Variants in ACD observed in about 807,000 individuals in gnomAD.
The protein encoded by ACD is adrenocortical dysplasia protein homolog.
Under a neutral mutation model 53.9 loss-of-function variants are expected in ACD, and 39 were observed. The observed-to-expected ratio is 0.72, with a 90% CI of 0.56 to 0.95. ACD has a LOEUF of 0.95. Among genes scored for constraint, ACD ranks in the 40% least tolerant of loss-of-function variants. The pLI, the probability that ACD is intolerant of heterozygous loss-of-function variation, is 0.00. For missense variants in ACD, 526 were observed against 587.9 expected, an observed-to-expected ratio of 0.89 and a Z score of 1.09; for synonymous variants, 273 against 249.2, an observed-to-expected ratio of 1.10 and a Z score of -0.90.
At position 67,658,016 on chromosome 16, in the gene ACD, G is replaced by A. The variant is rs534346102; in HGVS notation, c.1176C>T (p.Thr392=). ...NRPPFPRTGA[T]RGAQEPCSVW... ...CAGAGCAGGGCTCCTGGGCTCCCCTGGTAGCTCCGGTCCTGGGAAAAGGCG... is the reference window on the plus strand; with the variant it reads ...CAGAGCAGGGCTCCTGGGCTCCCCTAGTAGCTCCGGTCCTGGGAAAAGGCG... The change falls in exon 10 of 12, where the codon ACC becomes ACT. Residue 392 remains threonine (T), a synonymous_variant. Transcript: ENST00000620761. 6.4e-7 allele frequency: 1 copy of A among 1,550,798 alleles called. No homozygotes were observed. Among genetic ancestry groups the A allele is most frequent in the East Asian group, 2.3e-5 (1 of 44,412 alleles).
rs746133556 is a variant in ACD, at chr16:67,657,562, CAAAG to C, written c.*40_*43del. 32 of 1,613,894 alleles carry C rather than the reference CAAAG, an allele frequency of 2.0e-5. No individual in the cohort carries two copies. Among genetic ancestry groups the C allele is most frequent in the African/African-American group, 4.0e-5 (3 of 74,918 alleles). ...CATGAGATTATTTTATTAAAAAACT[CAAAG>C]GAAGCAGAGTGTGGAGCGGTATCTG... On this transcript the variant is annotated 3_prime_UTR_variant, in exon 12 of 12. Coordinates refer to ENST00000620761, the MANE Select transcript of ACD (RefSeq NM_001082486.2). The surrounding 1 kb of genome is among the most constrained non-coding windows in gnomAD (Gnocchi z 4.5).
At position 67,657,807 on chromosome 16, in the gene ACD, T is replaced by C. The variant is rs2052900676; in HGVS notation, c.1253A>G (p.Tyr418Cys). The C allele has an allele frequency of 2.5e-6, 4 of 1,613,952 alleles. No homozygotes were observed. The East Asian group carries it at 8.9e-5, about 36-fold the overall frequency. The change falls in exon 11 of 12, where the codon TAT becomes TGT. Residue 418 changes from tyrosine (Y) to cysteine (C), a missense_variant. Physicochemically the swap from Tyr to Cys is radical, Grantham distance 194. Coordinates refer to ENST00000620761, the MANE Select transcript of ACD (RefSeq NM_001082486.2). This position sits in a 1 kb window ranked among gnomAD's most constrained non-coding sequence, Gnocchi z 4.5. The stretch of plus-strand genomic sequence containing the variant: ...ACAGAGGGACGTGCAGGGTGGCTCA[T>C]ACTCATACTGGAAGGCAGAACCATC... ...HRDGSAFQYE[Y>C]EPPCTSLCAR...
Position 67,660,215 on chromosome 16 carries a change from T to C in ACD, c.6A>G (p.Ala2=), listed in dbSNP as rs1301817552. The C allele has an allele frequency of 1.9e-6, 3 of 1,612,626 alleles. No individual in the cohort carries two copies. Among genetic ancestry groups the C allele is most frequent in the Admixed American group, 1.7e-5 (1 of 60,028 alleles). ...GCCGTAGGACCAGCCTCCCCGAACC[T>C]GCCATCCCCACGGCTACACCCAGCG... The part of the protein sequence containing the change: M[A]GSGRLVLRPW... Residue 2 remains alanine (A), a synonymous_variant, in exon 1 of 12, where the codon GCA becomes GCG. Coordinates refer to ENST00000620761, the MANE Select transcript of ACD (RefSeq NM_001082486.2).
At chr16:67,658,460 C>T in intron 9 of ACD, 95 bp downstream of exon 9, 1 of 1,598,298 alleles carries the variant, frequency 6.3e-7, no homozygotes, top group East Asian at 2.2e-5. Flanking sequence ...CGTGTTCATC[C>T]CCCACCCACC....
chr16:67,657,555 A>C lies in ACD; in HGVS notation c.*51T>G. The C allele has an allele frequency of 6.2e-7, 1 of 1,613,832 alleles. No homozygotes were observed. The highest frequency in any genetic ancestry group is 8.5e-7 in the Non-Finnish European group (1 of 1,179,774). The stretch of plus-strand genomic sequence containing the variant: ...CCTGCCGCATGAGATTATTTTATTA[A>C]AAAACTCAAAGGAAGCAGAGTGTGG... On this transcript the variant is annotated 3_prime_UTR_variant, in exon 12 of 12. Coordinates refer to ENST00000620761, the MANE Select transcript of ACD (RefSeq NM_001082486.2). The surrounding 1 kb of genome is among the most constrained non-coding windows in gnomAD (Gnocchi z 4.5).
rs1043357805 is a variant in ACD at position 67,659,319 on chromosome 16, A to T, written c.458+56T>A. 1.4e-4 allele frequency: 226 copies of T among 1,613,974 alleles called. 1 individual carries two copies. In the East Asian group the frequency reaches 2.2e-3, roughly 16 times the overall value. ...ACCATGCTGAGGCCTGTCTACCTAG[A>T]TACACCATCCCCTCACCAAACAACA... On this transcript the variant is annotated intron_variant, in intron 5 of 11. Transcript: ENST00000620761.
In ACD at chr16:67,658,343, G is replaced by T; in HGVS notation, c.849C>A (p.Gly283=). Residue 283 remains glycine, a synonymous_variant, in exon 10 of 12, where the codon GGC becomes GGA. Transcript: ENST00000620761. ...TACCACTTTCCTCGGATGACATGTG[G>T]CCGGGTAAGGCCGGGGTTCCTGAGG... The part of the protein sequence containing the change: ...PSSSGTPALP[G]HMSSEESGTS... 1 of 1,613,726 alleles carries T rather than the reference G, an allele frequency of 6.2e-7. No individual in the cohort carries two copies. The highest frequency in any genetic ancestry group is 8.5e-7 in the Non-Finnish European group (1 of 1,179,938).
Position 67,659,715 on chromosome 16 carries a change from G to A in ACD, c.323C>T (p.Ala108Val), listed in dbSNP as rs776559555. 1 of 1,613,382 alleles carries A rather than the reference G, an allele frequency of 6.2e-7. No homozygotes were observed. The highest frequency in any genetic ancestry group is 8.5e-7 in the Non-Finnish European group (1 of 1,179,994). Residue 108 changes from alanine (A) to valine (V), a missense_variant, in exon 3 of 12, where the codon GCT becomes GTT. Ala to Val is a moderately conservative substitution (Grantham distance 64). Coordinates refer to ENST00000620761, the MANE Select transcript of ACD (RefSeq NM_001082486.2). ...CTCACCACTCACCGCGCCGCCCTCAGCGACCTGGACATGAACCCCGCAGTC... is the reference window on the plus strand; with the variant it reads ...CTCACCACTCACCGCGCCGCCCTCAACGACCTGGACATGAACCCCGCAGTC... ...LQDCGVHVQV[A>V]EGGAPAEFYL...
intron 9 of ACD, 76 bp downstream of exon 9, chr16:67,658,479 T>G: frequency 6.3e-7 from 1 of 1,588,342 alleles, no homozygotes; most frequent in Non-Finnish European, 8.6e-7. Context: ...CCGTGCACCT[T>G]TCACAGCATC....
At position 67,657,597 on chromosome 16, in the gene ACD, C is replaced by T. The variant is rs368507056; in HGVS notation, c.*9G>A. The T allele has an allele frequency of 5.8e-5, 93 of 1,614,046 alleles. No homozygotes were observed. The highest frequency in any genetic ancestry group is 8.0e-5 in the African/African-American group (6 of 74,936). Reference sequence around the variant, plus strand: ...AGAGTGTGGAGCGGTATCTGTCCTGCGTGACGTCTCACATCGGAGTTGGCT... The same window carrying T: ...AGAGTGTGGAGCGGTATCTGTCCTGTGTGACGTCTCACATCGGAGTTGGCT... On this transcript the variant is annotated 3_prime_UTR_variant, in exon 12 of 12. Coordinates refer to ENST00000620761, the MANE Select transcript of ACD (RefSeq NM_001082486.2). This position sits in a 1 kb window ranked among gnomAD's most constrained non-coding sequence, Gnocchi z 4.5.
rs747172616 is a variant in ACD, at chr16:67,659,464, A to AC, written c.414-46dup. On this transcript the variant is annotated intron_variant, in intron 4 of 11. Coordinates refer to ENST00000620761, the MANE Select transcript of ACD (RefSeq NM_001082486.2). The stretch of plus-strand genomic sequence containing the variant: ...AGTTAATGGGGGCCCAAGCCCTCCT[A>AC]CCCCATAGGCGTCTGCCAGCGCCGG... The AC allele has an allele frequency of 5.0e-6, 8 of 1,613,756 alleles. No individual in the cohort carries two copies. The Admixed American group carries it at 1.2e-4, about 24-fold the overall frequency.
rs1423427994 is a variant in ACD at position 67,657,902 on chromosome 16, C to T, written c.1207-49G>A. ...GAAGAGCTAACAAGGACCCCAACCC[C>T]ATCCAAGGCTACCCATGCTCCCTCC... On this transcript the variant is annotated intron_variant, in intron 10 of 11. Coordinates refer to ENST00000620761, the MANE Select transcript of ACD (RefSeq NM_001082486.2). The surrounding 1 kb of genome is among the most constrained non-coding windows in gnomAD (Gnocchi z 4.5). 1 of 1,613,044 alleles carries T rather than the reference C, an allele frequency of 6.2e-7. No homozygotes were observed. Among genetic ancestry groups the T allele is most frequent in the Non-Finnish European group, 8.5e-7 (1 of 1,179,484 alleles).
rs761226246 is a variant in ACD at position 67,659,986 on chromosome 16, G to A, written c.159C>T (p.Asp53=). 17 of 1,608,998 alleles carry A rather than the reference G, an allele frequency of 1.1e-5. No homozygotes were observed. The Admixed American group carries it at 2.5e-4, about 24-fold the overall frequency. ...AGPSHAPDTS[D]VGATLLVSDG... ...CAGACACAAGCAGCGTGGCCCCGAC[G>A]TCGGACGTATCAGGGGCGTGGGATG... Residue 53 remains aspartate, a synonymous_variant, in exon 2 of 12, where the codon GAC becomes GAT. Transcript: ENST00000620761.
chr16:67,659,468 C>G, intron 4 of ACD, 49 bp from the exon 5 acceptor site: 2 of 1,613,996 alleles, frequency 1.2e-6, no homozygotes, highest in Non-Finnish European at 1.7e-6. Context: ...CCTCCTACCC[C>G]ATAGGCGTCT....
Position 67,657,721 on chromosome 16 carries a change from G to GAGGA in ACD, c.1299-38_1299-37insTCCT. 6.2e-7 allele frequency: 1 copy of GAGGA among 1,614,062 alleles called. No homozygotes were observed. Among genetic ancestry groups the GAGGA allele is most frequent in the South Asian group, 1.1e-5 (1 of 91,064 alleles). On this transcript the variant is annotated intron_variant, in intron 11 of 11. Transcript: ENST00000620761. This position sits in a 1 kb window ranked among gnomAD's most constrained non-coding sequence, Gnocchi z 4.5. ...CCACCGCTGCAGGTCAATGGAGCCT[G>GAGGA]GGACTAGTGACCAAGAGTTGGGGCA...
In ACD at chr16:67,660,225, A is replaced by G. The variant is rs2052978830; in HGVS notation, c.-5T>C. The G allele has an allele frequency of 1.2e-6, 2 of 1,612,386 alleles. No homozygotes were observed. The highest frequency in any genetic ancestry group is 2.2e-5 in the East Asian group (1 of 44,830). On this transcript the variant is annotated 5_prime_UTR_variant, in exon 1 of 12. Transcript: ENST00000620761. The stretch of plus-strand genomic sequence containing the variant: ...CAGCCTCCCCGAACCTGCCATCCCC[A>G]CGGCTACACCCAGCGGATGCAACGG...
Position 67,658,135 on chromosome 16 carries a change from G to A in ACD, c.1057C>T (p.His353Tyr). The change falls in exon 10 of 12, where the codon CAT (histidine) becomes TAT (tyrosine). Residue 353 changes from histidine to tyrosine, a missense_variant. By Grantham distance (83) the His-to-Tyr change is moderately conservative. Coordinates refer to ENST00000620761, the MANE Select transcript of ACD (RefSeq NM_001082486.2). ...AGAGCCTGGTGTGGACTGGGGACATGGCTACGGGGTGAGAGACTGGGAGTG... is the reference window on the plus strand; with the variant it reads ...AGAGCCTGGTGTGGACTGGGGACATAGCTACGGGGTGAGAGACTGGGAGTG... ...SCTPSLSPRS[H>Y]VPSPHQALVT... is the part of the protein sequence containing the mutation. 1 of 1,599,788 alleles carries A rather than the reference G, an allele frequency of 6.3e-7. No homozygotes were observed. The highest frequency in any genetic ancestry group is 8.5e-7 in the Non-Finnish European group (1 of 1,172,084).
rs760014999 is a variant in ACD at position 67,657,536 on chromosome 16, G to A, written c.*70C>T. On this transcript the variant is annotated 3_prime_UTR_variant, in exon 12 of 12. Transcript: ENST00000620761. This position sits in a 1 kb window ranked among gnomAD's most constrained non-coding sequence, Gnocchi z 4.5. ...ATCCCTGATCCTCTCCTCTCCTGCC[G>A]CATGAGATTATTTTATTAAAAAACT... is the stretch of plus-strand genomic sequence containing the variant. 2.7e-5 allele frequency: 43 copies of A among 1,613,250 alleles called. No individual in the cohort carries two copies. Among genetic ancestry groups the A allele is most frequent in the South Asian group, 2.1e-4 (19 of 91,072 alleles).
chr16:67,658,141 G>A lies in ACD; in HGVS notation c.1051C>T (p.Arg351Cys), dbSNP rs376242489. Residue 351 changes from arginine to cysteine, a missense_variant, in exon 10 of 12, where the codon CGT (arginine) becomes TGT (cysteine). By Grantham distance (180) the Arg-to-Cys change is radical. Transcript: ENST00000620761. Reference sequence around the variant, plus strand: ...TGGTGTGGACTGGGGACATGGCTACGGGGTGAGAGACTGGGAGTGCAGCTC... The same window carrying A: ...TGGTGTGGACTGGGGACATGGCTACAGGGTGAGAGACTGGGAGTGCAGCTC... ...LQSCTPSLSP[R>C]SHVPSPHQAL... The A allele has an allele frequency of 2.1e-5, 34 of 1,601,990 alleles. No homozygotes were observed. Among genetic ancestry groups the A allele is most frequent in the Middle Eastern group, 3.3e-4 (2 of 6,008 alleles).
Sources: gnomAD v4.1 joint callset for allele counts on GRCh38, gnomAD v4.1.1 for gene constraint, Gnocchi (gnomAD v3.1) non-coding constraint, MANE v1.5 for transcripts, NCBI Gene and HGNC (gene_info 2026-07-23, HGNC 2026-07-21) for gene names.